ABCC9: variants seen among roughly 807,000 people sequenced by gnomAD.
The protein encoded by ABCC9 is ATP binding cassette subfamily C member 9, also known as ATP-binding cassette sub-family C member 9.
A neutral mutation model predicts 188.3 loss-of-function variants in ABCC9; 95 were observed. That is an observed-to-expected ratio of 0.50 (90% CI 0.43 to 0.60). ABCC9 has a LOEUF of 0.60. ABCC9 is among the 20% of genes least tolerant of loss of function. The pLI is 0.00. For missense variants in ABCC9, 1,102 were observed against 1,876.3 expected (o/e 0.59, Z 7.62); for synonymous variants, 659 against 652.7 (o/e 1.01, Z -0.15).
At position 21,797,456 on chromosome 12, in the gene ABCC9, A is replaced by G. The variant is rs927009928; in HGVS notation, c.*3588T>C. The G allele has an allele frequency of 6.6e-6, 1 of 152,214 alleles. No individual in the cohort carries two copies. The highest frequency in any genetic ancestry group is 2.4e-5 in the African/African-American group (1 of 41,460). The allele number at this position is 152,214 out of a possible 1,614,324, so 9.4% of individuals were successfully genotyped here. The stretch of plus-strand genomic sequence containing the variant: ...CAATATGTTTTTATATATTGTAGAG[A>G]ATAAACACATTTATTGTAGAGAACA... On this transcript the variant is annotated 3_prime_UTR_variant, in exon 40 of 40. Transcript: ENST00000261200.
At position 21,917,078 on chromosome 12, in the gene ABCC9, G is replaced by A. The variant is rs1367526703; in HGVS notation, c.432C>T (p.Ala144=). The change falls in exon 6 of 40, where the codon GCC becomes GCT. Residue 144 remains alanine (A), a synonymous_variant. Transcript: ENST00000261200. ...CCAATTTTATTGTTTTTGTAATAAA[G>A]GCCATTACCCAATACAGGAACAGGG... ...LLALFLYWVM[A]FITKTIKLVK... is the part of the protein sequence containing the mutation. The A allele has an allele frequency of 1.2e-6, 2 of 1,613,690 alleles. No homozygotes were observed. Among genetic ancestry groups the A allele is most frequent in the East Asian group, 4.5e-5 (2 of 44,858 alleles).
chr12:21,874,536 G>T (rs1946245988), intron 17 of ABCC9, among the ~76,000 whole-genome samples: 1 of 152,226 alleles, frequency 6.6e-6, no homozygotes, highest in Non-Finnish European at 1.5e-5. Context: ...CAGAATTAGG[G>T]TCTCAAAGAG....
Position 21,798,717 on chromosome 12 carries a change from T to C in ABCC9, c.*2327A>G, listed in dbSNP as rs1322251357. 6.6e-6 allele frequency: 1 copy of C among 151,598 alleles called. No individual in the cohort carries two copies. The highest frequency in any genetic ancestry group is 2.4e-5 in the African/African-American group (1 of 41,164). 9.4% of individuals were successfully genotyped at this position (151,598 alleles called of 1,614,324 possible). On this transcript the variant is annotated 3_prime_UTR_variant, in exon 40 of 40. Coordinates refer to ENST00000261200, the MANE Select transcript of ABCC9 (RefSeq NM_020297.4). ...TTCCTCAGGGATCTAGAACTAGAAA[T>C]ACCATTTGACCCAGCCATCCCATTA...
chr12:21,905,543 C>G (rs1203411855), intron 12 of ABCC9, among the ~76,000 whole-genome samples: 1 of 151,794 alleles, frequency 6.6e-6, no homozygotes. Context: ...CTTTTGTTTC[C>G]AAAGTCGATA....
At chr12:21,863,117 A>AT in intron 19 of ABCC9, 63 bp from the exon 20 acceptor site, 1 of 1,055,776 alleles carries the variant, frequency 9.5e-7, no homozygotes, top group East Asian at 2.4e-5. Context: ...GCGTGTATGT[A>AT]TTTTACTATA....
chr12:21,934,646 T>C (rs958546977), intron 3 of ABCC9, among the ~76,000 whole-genome samples: 1 of 152,084 alleles, frequency 6.6e-6, no homozygotes, highest in African/African-American at 2.4e-5. Flanking sequence ...TGTAGAGTAA[T>C]ACTAGGTCAT....
intron 12 of ABCC9, among the ~76,000 whole-genome samples, chr12:21,898,533 G>A (rs1517277): frequency 0.99 from 150,948 of 152,342 alleles, 74,800 homozygotes; most frequent in East Asian, 1. Flanking sequence ...GGGCTATATA[G>A]GCCAAATATT....
chr12:21,844,672 A>G, intron 27 of ABCC9, 95 bp downstream of exon 27: 3 of 1,581,202 alleles, frequency 1.9e-6, no homozygotes, highest in Non-Finnish European at 2.6e-6. Flanking sequence ...CTCAAGGACT[A>G]AAGAAATTCT....
intron 8 of ABCC9, among the ~76,000 whole-genome samples, chr12:21,911,488 A>G (rs1268229154): frequency 6.6e-6 from 1 of 152,018 alleles, no homozygotes; most frequent in African/African-American, 2.4e-5. Flanking sequence ...CACCCATGCA[A>G]CACTACCAGT....
At chr12:21,913,898 C>T (rs1948429812) in intron 7 of ABCC9, among the ~76,000 whole-genome samples, 1 of 152,048 alleles carries the variant, frequency 6.6e-6, no homozygotes, top group African/African-American at 2.4e-5. Context: ...ATTTGTTTTC[C>T]AAAGTTTATG....
At chr12:21,866,415 A>C (rs920134379) in intron 18 of ABCC9, among the ~76,000 whole-genome samples, 10 of 152,222 alleles carry the variant, frequency 6.6e-5, no homozygotes, top group Non-Finnish European at 1.3e-4. Flanking sequence ...GATTTGACTC[A>C]GTCAAGTCAC....
rs780799175 is a variant in ABCC9, at chr12:21,838,165, A to C, written c.3479T>G (p.Leu1160Arg). The stretch of plus-strand genomic sequence containing the variant: ...CTGGGTACTATCGTCAAGTTCCTGG[A>C]GGTCCCTAGTAGAGAGAGGGGCAAA... ...QKYFRVASKD[L>R]QELDDSTQLP... The change falls in exon 30 of 40, where the codon CTC becomes CGC. Residue 1160 changes from leucine to arginine, a missense_variant. By Grantham distance (102) the Leu-to-Arg change is moderately radical. Coordinates refer to ENST00000261200, the MANE Select transcript of ABCC9 (RefSeq NM_020297.4). 2.2e-5 allele frequency: 36 copies of C among 1,613,136 alleles called. No individual in the cohort carries two copies. Among genetic ancestry groups the C allele is most frequent in the Non-Finnish European group, 2.8e-5 (33 of 1,179,112 alleles).
chr12:21,914,315 C>T (rs993345975), intron 7 of ABCC9, among the ~76,000 whole-genome samples: 6 of 152,112 alleles, frequency 3.9e-5, no homozygotes, highest in African/African-American at 1.4e-4. Flanking sequence ...GGGTAGCATG[C>T]ATGACTATTT....
At chr12:21,822,522 A>G (rs1943099383) in intron 31 of ABCC9, among the ~76,000 whole-genome samples, 1 of 152,138 alleles carries the variant, frequency 6.6e-6, no homozygotes, top group African/African-American at 2.4e-5. Context: ...TTTTGTGGCC[A>G]GGTGCAGTGG....
rs962932562 is a variant in ABCC9, at chr12:21,852,290, T to C, written c.2644-68A>G. 5.6e-6 allele frequency: 9 copies of C among 1,613,248 alleles called. No homozygotes were observed. In the Admixed American group the frequency reaches 1.3e-4, roughly 24 times the overall value. ...GATTGGCAAAATGAACTACCTTTAT[T>C]TCAGAAAGCATTTTTTACTGTCTCT... is the stretch of plus-strand genomic sequence containing the variant. On this transcript the variant is annotated intron_variant, in intron 23 of 39. Coordinates refer to ENST00000261200, the MANE Select transcript of ABCC9 (RefSeq NM_020297.4).
intron 25 of ABCC9, among the ~76,000 whole-genome samples, chr12:21,846,264 C>T (rs1035692002): frequency 1.3e-5 from 2 of 152,196 alleles, no homozygotes; most frequent in Non-Finnish European, 2.9e-5. Flanking sequence ...ATACTCCATG[C>T]TGTCTATGGC....
At chr12:21,861,243 T>TG (rs1279115616) in intron 20 of ABCC9, among the ~76,000 whole-genome samples, 188 bp from the exon 21 acceptor site, 4 of 151,750 alleles carry the variant, frequency 2.6e-5, no homozygotes, top group Non-Finnish European at 5.9e-5. Flanking sequence ...TTTTTTTTTT[T>TG]TTTTGAAGAC....
intron 4 of ABCC9, among the ~76,000 whole-genome samples, chr12:21,930,649 A>T (rs1447835397): frequency 6.6e-6 from 1 of 152,222 alleles, no homozygotes; most frequent in East Asian, 1.9e-4. Context: ...ATATGTGCAA[A>T]CGTGCACAGA....
At chr12:21,936,388 G>GAA in intron 3 of ABCC9, 145 bp downstream of exon 3, 1 of 769,162 alleles carries the variant, frequency 1.3e-6, no homozygotes, top group Non-Finnish European at 2.0e-6. Flanking sequence ...ATATATGTTT[G>GAA]AAAAACACAA....
Sources: allele counts gnomAD v4.1 joint callset (sites outside exome capture counted in the v4.1 genomes callset), GRCh38; gene constraint gnomAD v4.1.1; transcripts MANE v1.5; gene names NCBI Gene and HGNC (gene_info 2026-07-23, HGNC 2026-07-21).